Variants in PTPN13 observed in about 807,000 individuals in gnomAD.
PTPN13 encodes tyrosine-protein phosphatase non-receptor type 13.
In PTPN13, 191 loss-of-function variants were observed where a neutral mutation model predicts 284.0. The observed-to-expected ratio is 0.67, with a 90% CI of 0.60 to 0.76. PTPN13 has a LOEUF of 0.76. PTPN13 is among the 30% of genes least tolerant of loss of function. The probability of loss-of-function intolerance (pLI) is 0.00; values close to 1 mark genes in which losing one functional copy is unlikely to be tolerated. For missense variants in PTPN13, 2,797 were observed against 2,939.9 expected (o/e 0.95, Z 1.12); for synonymous variants, 986 against 1,022.3 (o/e 0.96, Z 0.68).
At chr4:86,803,416 C>A (rs186678754) in intron 42 of PTPN13, among the ~76,000 whole-genome samples, 3 of 152,012 alleles carry the variant, frequency 2.0e-5, no homozygotes, top group Admixed American at 6.6e-5. Context: ...CATAGGGAGA[C>A]CCCGTCTCTT....
intron 1 of PTPN13, among the ~76,000 whole-genome samples, chr4:86,626,215 C>T (rs1423383213): frequency 6.6e-6 from 1 of 152,034 alleles, no homozygotes; most frequent in Non-Finnish European, 1.5e-5. Context: ...CCTTTGAAAG[C>T]AGGGACTAGG....
At chr4:86,695,613 T>C (rs111244900) in intron 6 of PTPN13, among the ~76,000 whole-genome samples, 1 of 152,014 alleles carries the variant, frequency 6.6e-6, no homozygotes, top group African/African-American at 2.4e-5. Context: ...AAGACATTTT[T>C]GTTTTTCTTA....
intron 2 of PTPN13, among the ~76,000 whole-genome samples, chr4:86,645,610 G>T (rs1258050514): frequency 6.6e-6 from 1 of 151,988 alleles, no homozygotes; most frequent in Admixed American, 6.6e-5. Flanking sequence ...TTAACAATAT[G>T]AAAAAATTAA....
At chr4:86,682,225 T>C (rs1238133115) in intron 3 of PTPN13, among the ~76,000 whole-genome samples, 2 of 152,192 alleles carry the variant, frequency 1.3e-5, no homozygotes, top group East Asian at 3.9e-4. Flanking sequence ...CATTGAATCC[T>C]GTATATATGA....
At chr4:86,653,569 A>G (rs922833168) in intron 2 of PTPN13, among the ~76,000 whole-genome samples, 5 of 151,918 alleles carry the variant, frequency 3.3e-5, no homozygotes, top group East Asian at 1.9e-4. Context: ...CTAATATGCA[A>G]CTTGAAAGTC....
rs1018173857 is a variant in PTPN13 at position 86,709,571 on chromosome 4, G to A, written c.1196-6959G>A. On this transcript the variant is annotated intron_variant, in intron 7 of 47. Coordinates refer to ENST00000411767, the MANE Select transcript of PTPN13 (RefSeq NM_080683.3). ...GACAAATCACACCTCCTCTTCCTCC[G>A]TTTTGTCCAACTCATAAGAGTAAAC... Among the ~76,000 whole-genome samples, 16 of 152,156 alleles carry A rather than the reference G, an allele frequency of 1.1e-4. No homozygotes were observed. The East Asian group carries it at 2.5e-3, about 24-fold the overall frequency.
intron 37 of PTPN13, 148 bp from the exon 38 acceptor site, chr4:86,784,317 A>G (rs1384366864): frequency 1.1e-5 from 6 of 557,238 alleles, no homozygotes; most frequent in Non-Finnish European, 1.2e-5. Context: ...AATTGCACTG[A>G]TATTTCCTTT....
Position 86,672,429 on chromosome 4 carries a change from A to T in PTPN13, c.180A>T (p.Pro60=). ...IISPWSLLLL[P]SGSVSFTDEN... ...CTCCATGGTCTCTGCTGTTGCTGCC[A>T]TCTGGTAGTGTGTCATTTACAGATG... The change falls in exon 3 of 48, where the codon CCA becomes CCT. Residue 60 remains proline (P), a synonymous_variant. Transcript: ENST00000411767. The T allele has an allele frequency of 6.4e-7, 1 of 1,566,380 alleles. No individual in the cohort carries two copies. The highest frequency in any genetic ancestry group is 8.7e-7 in the Non-Finnish European group (1 of 1,154,568).
intron 38 of PTPN13, among the ~76,000 whole-genome samples, 196 bp downstream of exon 38, chr4:86,784,754 A>T (rs531855226): frequency 4.9e-4 from 74 of 152,234 alleles, no homozygotes; most frequent in African/African-American, 1.8e-3. Flanking sequence ...AATTTTTTTT[A>T]AATGATTGAA....
chr4:86,608,363 A>G (rs1565133539), intron 1 of PTPN13, among the ~76,000 whole-genome samples: 1 of 152,036 alleles, frequency 6.6e-6, no homozygotes, highest in Non-Finnish European at 1.5e-5. Flanking sequence ...AAGCTTACTG[A>G]TTCTAATGCT....
At chr4:86,705,055 G>C (rs1286215546) in intron 7 of PTPN13, among the ~76,000 whole-genome samples, 1 of 152,140 alleles carries the variant, frequency 6.6e-6, no homozygotes, top group Admixed American at 6.6e-5. Flanking sequence ...TGCAAACAAG[G>C]CTGGGCGCGG....
chr4:86,721,357 A>G (rs1354126845), intron 9 of PTPN13, among the ~76,000 whole-genome samples: 1 of 152,066 alleles, frequency 6.6e-6, no homozygotes, highest in Admixed American at 6.5e-5. Context: ...AGCACCTGCC[A>G]TGTACTAGGT....
intron 1 of PTPN13, among the ~76,000 whole-genome samples, chr4:86,633,849 A>G (rs1017839266): frequency 6.6e-5 from 10 of 152,232 alleles, no homozygotes; most frequent in Non-Finnish European, 1.5e-5. Flanking sequence ...ATGAGAACCT[A>G]GAGACTTTGG....
At chr4:86,735,011 A>G in intron 14 of PTPN13, 136 bp downstream of exon 14, 1 of 942,342 alleles carries the variant, frequency 1.1e-6, no homozygotes, top group South Asian at 1.8e-5. Flanking sequence ...CCTCAGAATG[A>G]CCAAGCACTC....
At chr4:86,772,547 G>T (rs182481049) in intron 31 of PTPN13, among the ~76,000 whole-genome samples, 2 of 151,974 alleles carry the variant, frequency 1.3e-5, no homozygotes, top group African/African-American at 4.8e-5. Flanking sequence ...GAGTGAGACC[G>T]TGTCTCAACA....
At chr4:86,698,992 A>C (rs1343211254) in intron 6 of PTPN13, among the ~76,000 whole-genome samples, 6 of 152,182 alleles carry the variant, frequency 3.9e-5, no homozygotes, top group Admixed American at 2.0e-4. Context: ...CGAAAGAAGT[A>C]AAGTCTTTGA....
At chr4:86,624,455 T>A (rs1721607776) in intron 1 of PTPN13, among the ~76,000 whole-genome samples, 1 of 152,156 alleles carries the variant, frequency 6.6e-6, no homozygotes, top group East Asian at 1.9e-4. Context: ...TTTGCTTTGT[T>A]TAGTTTTCTA....
rs182573177 is a variant in PTPN13 at position 86,807,397 on chromosome 4, T to A, written c.6746-163T>A. On this transcript the variant is annotated intron_variant, in intron 44 of 47. Transcript: ENST00000411767. ...AGCAAAAAGAATAAACATAAAATAA[T>A]TTGGCTGTGCTACAATTTGAAAATA... Among the ~76,000 whole-genome samples the A allele has an allele frequency of 3.3e-5, 5 of 152,356 alleles. No homozygotes were observed. The East Asian group carries it at 9.6e-4, about 29-fold the overall frequency.
rs78317540 is a variant in PTPN13, at chr4:86,807,931, G to C, written c.7083+34G>C. On this transcript the variant is annotated intron_variant, in intron 45 of 47. Coordinates refer to ENST00000411767, the MANE Select transcript of PTPN13 (RefSeq NM_080683.3). ...ATGAAATCTTTCCCTGTTGGAAGGTGTATCTCCTAGTTGTAATCCAAGCCT... is the reference window on the plus strand; with the variant it reads ...ATGAAATCTTTCCCTGTTGGAAGGTCTATCTCCTAGTTGTAATCCAAGCCT... 3.7e-5 allele frequency: 57 copies of C among 1,547,916 alleles called. No individual in the cohort carries two copies. The East Asian group carries it at 1.2e-3, about 34-fold the overall frequency.
Sources: gnomAD v4.1 joint callset for allele counts (sites outside exome capture counted in the v4.1 genomes callset) on GRCh38, gnomAD v4.1.1 for gene constraint, MANE v1.5 for transcripts, NCBI Gene and HGNC (gene_info 2026-07-23, HGNC 2026-07-21) for gene names.